SQOR: variants seen among roughly 807,000 people sequenced by gnomAD.
SQOR encodes sulfide quinone oxidoreductase, also known as sulfide:quinone oxidoreductase, mitochondrial.
In SQOR, 39 loss-of-function variants were observed where a neutral mutation model predicts 48.6. The ratio of observed to expected loss-of-function variants is 0.80; its 90% confidence interval spans 0.62 to 1.05. SQOR has a LOEUF of 1.05. SQOR is among the 50% of genes least tolerant of loss of function. The pLI, the probability that SQOR is intolerant of heterozygous loss-of-function variation, is 0.00. For synonymous variants in SQOR, 220 were observed against 206.2 expected, an observed-to-expected ratio of 1.07 and a Z score of -0.57; for missense variants, 561 against 559.9, an observed-to-expected ratio of 1.00 and a Z score of -0.02.
chr15:45,668,191 G>A (rs1021297708), intron 3 of SQOR, among the ~76,000 whole-genome samples: 1 of 151,884 alleles, frequency 6.6e-6, no homozygotes, highest in Non-Finnish European at 1.5e-5. Context: ...TGATCCACCC[G>A]CCTCAGCCTC....
intron 1 of SQOR, among the ~76,000 whole-genome samples, chr15:45,650,499 A>G (rs948106662): frequency 2.6e-5 from 4 of 152,332 alleles, no homozygotes; most frequent in Admixed American, 2.0e-4. Context: ...GGACTCAAAG[A>G]GCGAGCAACA....
intron 1 of SQOR, among the ~76,000 whole-genome samples, chr15:45,655,450 C>T (rs1285447846): frequency 6.6e-6 from 1 of 152,058 alleles, no homozygotes; most frequent in East Asian, 1.9e-4. Flanking sequence ...TTCTTCCTTC[C>T]GTATGAAACA....
chr15:45,659,183 G>GGT, intron 2 of SQOR, 26 bp downstream of exon 2: 3 of 1,482,760 alleles, frequency 2.0e-6, no homozygotes, highest in South Asian at 1.3e-5. Context: ...TGAGGGCCTG[G>GGT]GTGTGTGTGT....
chr15:45,688,552 C>T, intron 8 of SQOR, 148 bp downstream of exon 8: 1 of 621,528 alleles, frequency 1.6e-6, no homozygotes, highest in Non-Finnish European at 2.6e-6. Flanking sequence ...GCTCTTGTTG[C>T]CCAGGCTGGA....
intron 7 of SQOR, among the ~76,000 whole-genome samples, chr15:45,683,598 T>C (rs1421984036): frequency 6.6e-6 from 1 of 152,228 alleles, no homozygotes; most frequent in African/African-American, 2.4e-5. Flanking sequence ...ATTAGACACC[T>C]GTGGAACAGA....
upstream of SQOR, among the ~76,000 whole-genome samples, chr15:45,634,537 G>T (rs570286165): frequency 6.6e-6 from 1 of 152,182 alleles, no homozygotes; most frequent in South Asian, 2.1e-4. Context: ...GGGCTCCAGC[G>T]CACACCAAAG....
At chr15:45,653,476 T>C (rs1418701680) in intron 1 of SQOR, among the ~76,000 whole-genome samples, 1 of 152,168 alleles carries the variant, frequency 6.6e-6, no homozygotes, top group Admixed American at 6.6e-5. Context: ...AGCAGGGTGG[T>C]GCAGAGCTTA....
rs1890264002 is a variant in SQOR, at chr15:45,688,525, T to C, written c.1116+121T>C. ...TTTTTTTCTGTTTTTCTTTTTTTTT[T>C]TTTTGAGATGCAGTTTGCTCTTGTT... On this transcript the variant is annotated intron_variant, in intron 8 of 9. Coordinates refer to ENST00000260324, the MANE Select transcript of SQOR (RefSeq NM_021199.4). 1.2e-5 allele frequency: 9 copies of C among 763,610 alleles called. No individual in the cohort carries two copies. The South Asian group carries it at 1.6e-4, about 14-fold the overall frequency. The allele number at this position is 763,610 out of a possible 1,614,324, so 47.3% of individuals were successfully genotyped here.
At chr15:45,643,140 CTG>C (rs1398897370) in intron 1 of SQOR, among the ~76,000 whole-genome samples, 3 of 152,194 alleles carry the variant, frequency 2.0e-5, no homozygotes, top group African/African-American at 7.2e-5. Context: ...GGAGAAATTG[CTG>C]TCTCTCAGCT....
intron 4 of SQOR, among the ~76,000 whole-genome samples, chr15:45,673,231 A>G (rs1889974154): frequency 6.6e-6 from 1 of 152,172 alleles, no homozygotes; most frequent in Non-Finnish European, 1.5e-5. Flanking sequence ...TAAGTTTGCT[A>G]TTCTTGATGA....
At position 45,691,254 on chromosome 15, in the gene SQOR, T is replaced by C; in HGVS notation, c.*224T>C. 1.9e-6 allele frequency: 1 copy of C among 515,402 alleles called. No individual in the cohort carries two copies. The highest frequency in any genetic ancestry group is 3.6e-5 in the Admixed American group (1 of 27,954). 31.9% of individuals were successfully genotyped at this position (515,402 alleles called of 1,614,324 possible). A position where few individuals can be genotyped will look rare whatever the true frequency, so the allele number is the denominator to read the frequency against. On this transcript the variant is annotated 3_prime_UTR_variant, in exon 10 of 10. Coordinates refer to ENST00000260324, the MANE Select transcript of SQOR (RefSeq NM_021199.4). ...GAATAATAAAATGAAATAATACTTT[T>C]ATTTTCTGAATAAAAGTTTGTCACT...
chr15:45,682,899 C>T lies in SQOR; in HGVS notation c.1048+238C>T, dbSNP rs569272262. ...AAAAATTAGTCAGGCGTGTGGTGGG[C>T]GCCTGCAATCCCAGCTACTCAGGAG... is the stretch of plus-strand genomic sequence containing the variant. On this transcript the variant is annotated intron_variant, in intron 7 of 9. Coordinates refer to ENST00000260324, the MANE Select transcript of SQOR (RefSeq NM_021199.4). Among the ~76,000 whole-genome samples the T allele has an allele frequency of 9.9e-4, 150 of 151,952 alleles. 2 individuals are homozygous for T. In the South Asian group the frequency reaches 0.022, roughly 23 times the overall value.
chr15:45,646,144 G>T (rs1229654319), intron 1 of SQOR: 1 of 152,202 alleles, frequency 6.6e-6, no homozygotes, highest in African/African-American at 2.4e-5. Flanking sequence ...ATAAAACCCA[G>T]ATCTGCCCCT....
In SQOR at chr15:45,689,071, C is replaced by T. The variant is rs759626973; in HGVS notation, c.1149C>T (p.Thr383=). 6.5e-5 allele frequency: 105 copies of T among 1,613,844 alleles called. No homozygotes were observed. Among genetic ancestry groups the T allele is most frequent in the Admixed American group, 2.3e-4 (14 of 59,962 alleles). The change falls in exon 9 of 10, where the codon ACC becomes ACT. Residue 383 remains threonine (T), a synonymous_variant. Transcript: ENST00000260324. ...YDGYTSCPLV[T]GYNRVILAEF... ...GCTACACATCATGTCCACTGGTGAC[C>T]GGCTACAACCGTGTGATTCTTGCTG...
At chr15:45,664,034 A>G (rs1889768456) in intron 3 of SQOR, among the ~76,000 whole-genome samples, 1 of 152,194 alleles carries the variant, frequency 6.6e-6, no homozygotes, top group Non-Finnish European at 1.5e-5. Context: ...TTAGAATGTG[A>G]TGGTTATTCA....
At chr15:45,682,383 A>G in intron 6 of SQOR, 95 bp from the exon 7 acceptor site, 1 of 1,318,412 alleles carries the variant, frequency 7.6e-7, no homozygotes, top group Non-Finnish European at 1.1e-6. Flanking sequence ...ATGCAGCCAT[A>G]GCACAGTGTA....
At chr15:45,642,732 C>A (rs1414174958) in intron 1 of SQOR, among the ~76,000 whole-genome samples, 1 of 152,192 alleles carries the variant, frequency 6.6e-6, no homozygotes, top group Non-Finnish European at 1.5e-5. Context: ...GACATAACTT[C>A]CCTTTTTCTG....
upstream of SQOR, among the ~76,000 whole-genome samples, chr15:45,633,349 G>C (rs1221705985): frequency 6.6e-6 from 1 of 152,204 alleles, no homozygotes; most frequent in Non-Finnish European, 1.5e-5. Flanking sequence ...AGGAAGAAAA[G>C]AGTATACTTT....
chr15:45,659,618 G>T (rs1225854798), intron 2 of SQOR, among the ~76,000 whole-genome samples: 2 of 152,058 alleles, frequency 1.3e-5, no homozygotes, highest in Non-Finnish European at 2.9e-5. Flanking sequence ...GCTTGTAGCT[G>T]TGCCACTCCT....
Sources: allele counts gnomAD v4.1 joint callset (sites outside exome capture counted in the v4.1 genomes callset), GRCh38; gene constraint gnomAD v4.1.1; transcripts MANE v1.5; gene names NCBI Gene and HGNC (gene_info 2026-07-23, HGNC 2026-07-21).